The following CEP128 variants were observed in gnomAD, a reference collection of about 807,000 sequenced individuals.
The protein encoded by CEP128 is centrosomal protein 128.
In CEP128, 132 loss-of-function variants were observed where a neutral mutation model predicts 156.7. The ratio of observed to expected loss-of-function variants is 0.84; its 90% CI spans 0.73 to 0.97. CEP128 has a LOEUF of 0.97. Ranked by LOEUF, CEP128 falls within the 50% of genes least tolerant of loss-of-function variation. CEP128 has a pLI of 0.00. For missense variants in CEP128, 1,252 were observed against 1,281.9 expected (o/e 0.98, Z 0.36); for synonymous variants, 469 against 448.9 (o/e 1.04, Z -0.57).
chr14:80,515,169 A>T (rs955955672), intron 23 of CEP128, among the ~76,000 whole-genome samples: 5 of 152,090 alleles, frequency 3.3e-5, no homozygotes, highest in Non-Finnish European at 7.4e-5. Flanking sequence ...CTAGGACTCT[A>T]TTGGGTCCAT....
chr14:80,760,745 C>T (rs567671840), intron 17 of CEP128, among the ~76,000 whole-genome samples: 138 of 152,206 alleles, frequency 9.1e-4, no homozygotes, highest in Non-Finnish European at 1.9e-3. Flanking sequence ...TTCAGAGCAT[C>T]CATGATCACT....
chr14:80,649,853 G>A lies in CEP128; in HGVS notation c.2807-69430C>T, dbSNP rs569220346. ...ATAGTTTGAAGTCAGGTAGCGTGGT[G>A]CCTCCAGCTTTGTTCTTTTCGCTTA... is the stretch of plus-strand genomic sequence containing the variant. On this transcript the variant is annotated intron_variant, in intron 19 of 24. Coordinates refer to ENST00000555265, the MANE Select transcript of CEP128 (RefSeq NM_152446.5). Among the ~76,000 whole-genome samples, 17 of 152,234 alleles carry A rather than the reference G, an allele frequency of 1.1e-4. No homozygotes were observed. In the South Asian group the frequency reaches 3.1e-3, roughly 28 times the overall value.
chr14:80,773,484 T>C lies in CEP128; in HGVS notation c.2376+4398A>G, dbSNP rs1301964957. Among the ~76,000 whole-genome samples the C allele has an allele frequency of 2.0e-5, 3 of 152,144 alleles. No individual in the cohort carries two copies. The East Asian group carries it at 5.8e-4, about 29-fold the overall frequency. ...CAGCTATTTTAAAAATATACAAACA[T>C]ATTCAAAATTAAAATCAATTTTTTA... On this transcript the variant is annotated intron_variant, in intron 16 of 24. Coordinates refer to ENST00000555265, the MANE Select transcript of CEP128 (RefSeq NM_152446.5).
At chr14:80,545,685 GA>G (rs986051682) in intron 21 of CEP128, among the ~76,000 whole-genome samples, 4 of 152,040 alleles carry the variant, frequency 2.6e-5, no homozygotes, top group Admixed American at 2.6e-4. Flanking sequence ...AGATTAAAAA[GA>G]AAAAATACTG....
intron 13 of CEP128, among the ~76,000 whole-genome samples, chr14:80,797,796 G>A (rs1883579133): frequency 1.3e-5 from 2 of 152,026 alleles, no homozygotes; most frequent in Non-Finnish European, 2.9e-5. Flanking sequence ...AATGCTTTCA[G>A]GGTATTTATA....
At chr14:80,941,803 G>A (rs1886177955), upstream of CEP128, 1 of 152,794 alleles carries the variant, frequency 6.5e-6, no homozygotes, top group African/African-American at 2.4e-5. Context: ...GGGAGTTGTA[G>A]TCCATCTCGG....
At chr14:80,914,610 T>G (rs1884440920) in intron 3 of CEP128, among the ~76,000 whole-genome samples, 1 of 152,204 alleles carries the variant, frequency 6.6e-6, no homozygotes, top group Non-Finnish European at 1.5e-5. Flanking sequence ...TGCAATTTAC[T>G]TGTGTAAAAT....
At chr14:80,722,821 C>CTTT (rs142796338) in intron 19 of CEP128, among the ~76,000 whole-genome samples, 9 of 103,980 alleles carry the variant, frequency 8.7e-5, no homozygotes, top group Non-Finnish European at 1.1e-4. Flanking sequence ...TACTCTTTAT[C>CTTT]TTTTTTTTTT....
intron 20 of CEP128, among the ~76,000 whole-genome samples, chr14:80,569,709 A>C (rs148743591): frequency 6.6e-6 from 1 of 152,250 alleles, no homozygotes; most frequent in Non-Finnish European, 1.5e-5. Flanking sequence ...AGGGGTAAGC[A>C]AAGTCCAGGC....
intron 24 of CEP128, among the ~76,000 whole-genome samples, chr14:80,498,338 T>C (rs913214406): frequency 6.6e-5 from 10 of 152,110 alleles, no homozygotes; most frequent in African/African-American, 2.4e-4. Context: ...TTACGATCCT[T>C]TCTCCACACC....
rs370299733 is a variant in CEP128, at chr14:80,658,276, G to C, written c.2807-77853C>G. ...ATGATAGGGAGAGGAAATTGGTTTT[G>C]AGTCTCCTTAGATTGTACATCAACA... On this transcript the variant is annotated intron_variant, in intron 19 of 24. Coordinates refer to ENST00000555265, the MANE Select transcript of CEP128 (RefSeq NM_152446.5). Among the ~76,000 whole-genome samples, 8 of 152,314 alleles carry C rather than the reference G, an allele frequency of 5.3e-5. No individual in the cohort carries two copies. In the East Asian group the frequency reaches 1.5e-3, roughly 29 times the overall value.
chr14:80,603,560 A>G (rs1258711350), intron 19 of CEP128, among the ~76,000 whole-genome samples: 1 of 152,192 alleles, frequency 6.6e-6, no homozygotes, highest in Admixed American at 6.5e-5. Context: ...TGGAATACAG[A>G]GCATGGACTC....
intron 12 of CEP128, 82 bp from the exon 13 acceptor site, chr14:80,831,376 T>G: frequency 7.3e-7 from 1 of 1,377,126 alleles, no homozygotes; most frequent in Middle Eastern, 1.9e-4. Context: ...AGCCCTGATG[T>G]TTCAATATTC....
Position 80,911,226 on chromosome 14 carries a change from T to A in CEP128, c.234+3096A>T, listed in dbSNP as rs1358911138. Among the ~76,000 whole-genome samples, 4 of 152,226 alleles carry A rather than the reference T, an allele frequency of 2.6e-5. No homozygotes were observed. The East Asian group carries it at 7.7e-4, about 29-fold the overall frequency. On this transcript the variant is annotated intron_variant, in intron 4 of 24. Coordinates refer to ENST00000555265, the MANE Select transcript of CEP128 (RefSeq NM_152446.5). ...AAAACATTATAATTCAGGCCGGGTA[T>A]GGTAGCTCACGCCTATAATCCCAGC... is the stretch of plus-strand genomic sequence containing the variant.
chr14:80,789,814 G>GT (rs397793185), intron 14 of CEP128, among the ~76,000 whole-genome samples: 12,958 of 145,724 alleles, frequency 0.089, 1,431 homozygotes, highest in African/African-American at 0.25. Context: ...ACGCAGTTTG[G>GT]TTTTTTTTTT....
chr14:80,952,670 A>G (rs2032663232), intron 2 of CEP128, among the ~76,000 whole-genome samples: 1 of 152,072 alleles, frequency 6.6e-6, no homozygotes, highest in African/African-American at 2.4e-5. Context: ...GCATATATCA[A>G]TGAAATAGAG....
chr14:80,804,320 G>A (rs1172893392), intron 13 of CEP128, among the ~76,000 whole-genome samples: 1 of 152,016 alleles, frequency 6.6e-6, no homozygotes, highest in Non-Finnish European at 1.5e-5. Flanking sequence ...GTGAAAAGTA[G>A]CAATTGCCTA....
intron 19 of CEP128, among the ~76,000 whole-genome samples, chr14:80,717,494 A>G (rs73336600): frequency 0.01 from 1,531 of 152,276 alleles, 31 homozygotes; most frequent in African/African-American, 0.034. Flanking sequence ...ATATAATAAC[A>G]TCTTCCATGA....
chr14:80,566,813 AC>A (rs1198877113), intron 20 of CEP128, among the ~76,000 whole-genome samples: 1 of 151,628 alleles, frequency 6.6e-6, no homozygotes, highest in Non-Finnish European at 1.5e-5. Flanking sequence ...TTTTCAAACA[AC>A]CTACTTCAGC....
Sources: gnomAD v4.1 joint callset for allele counts (sites outside exome capture counted in the v4.1 genomes callset) on GRCh38, gnomAD v4.1.1 for gene constraint, MANE v1.5 for transcripts, NCBI Gene and HGNC (gene_info 2026-07-23, HGNC 2026-07-21) for gene names.